The following BLM variants were observed in gnomAD, a reference collection of about 807,000 sequenced individuals.
The protein encoded by BLM is recQ-like DNA helicase BLM.
A neutral mutation model predicts 135.3 loss-of-function variants in BLM; 95 were observed. The observed-to-expected ratio is 0.70, with a 90% confidence interval of 0.59 to 0.83. The LOEUF (loss-of-function observed/expected upper bound fraction) is 0.83, where lower values mean the gene tolerates loss of function less well. BLM is among the 40% of genes least tolerant of loss of function. The pLI, the probability that BLM is intolerant of heterozygous loss-of-function variation, is 0.00. For missense variants in BLM, 1,518 were observed against 1,663.9 expected (o/e 0.91, Z 1.53); for synonymous variants, 520 against 589.2 (o/e 0.88, Z 1.70).
intron 5 of BLM, 118 bp downstream of exon 5, chr15:90,755,056 T>C: frequency 1.6e-6 from 2 of 1,283,168 alleles, no homozygotes; most frequent in Non-Finnish European, 1.1e-6. Context: ...AGATTTGTAG[T>C]TTCTTTTCTT....
chr15:90,814,431 G>A lies in BLM; in HGVS notation c.4077-671G>A, dbSNP rs56047932. 1.8e-3 allele frequency among the ~76,000 whole-genome samples: 270 copies of A among 152,284 alleles called. 1 individual carries two copies. Among genetic ancestry groups the A allele is most frequent in the South Asian group, 0.016 (77 of 4,820 alleles). On this transcript the variant is annotated intron_variant, in intron 21 of 21. Coordinates refer to ENST00000355112, the MANE Select transcript of BLM (RefSeq NM_000057.4). ...GAGATGCTGGAAGGACTTGGTAATC[G>A]GCTCTGGCGGCTTCTTCCTTGGCTT...
chr15:90,755,588 C>T (rs1895796760), intron 5 of BLM, among the ~76,000 whole-genome samples: 2 of 152,240 alleles, frequency 1.3e-5, no homozygotes, highest in African/African-American at 4.8e-5. Context: ...GTCTGCTGCT[C>T]AGAGGCACCT....
chr15:90,770,883 G>A (rs913820304), intron 12 of BLM, among the ~76,000 whole-genome samples: 2 of 152,202 alleles, frequency 1.3e-5, no homozygotes, highest in African/African-American at 4.8e-5. Flanking sequence ...AAAAGCTTTT[G>A]CAGGTTAAAC....
At chr15:90,768,897 T>G (rs1896214592) in intron 10 of BLM, among the ~76,000 whole-genome samples, 1 of 152,168 alleles carries the variant, frequency 6.6e-6, no homozygotes, top group Non-Finnish European at 1.5e-5. Flanking sequence ...CGGCTAATTT[T>G]GTATTTTTAG....
rs1895160182 is a variant in BLM, at chr15:90,734,693, AC to A, written c.-4-12695del. Among the ~76,000 whole-genome samples the A allele has an allele frequency of 3.8e-5, 4 of 106,180 alleles. No individual in the cohort carries two copies. The South Asian group carries it at 1.4e-3, about 38-fold the overall frequency. 69.7% of individuals were successfully genotyped at this position (106,180 alleles called of 152,430 possible). ...CACGCACGCACACACACACACACAC[AC>A]GCAGAGAGAGAGAGAGAGAGAGAGA... On this transcript the variant is annotated intron_variant, in intron 1 of 21. Transcript: ENST00000355112.
intron 1 of BLM, among the ~76,000 whole-genome samples, chr15:90,741,602 TAAGTCAAAAA>T (rs1895365722): frequency 6.6e-6 from 1 of 152,214 alleles, no homozygotes; most frequent in South Asian, 2.1e-4. Flanking sequence ...GTGCATCTAT[TAAGTCAAAAA>T]CTATGAAGGG....
intron 14 of BLM, among the ~76,000 whole-genome samples, chr15:90,790,026 T>G (rs1896864790): frequency 2.3e-5 from 3 of 128,100 alleles, no homozygotes; most frequent in Admixed American, 8.6e-5. Context: ...TTTTTTTTGG[T>G]ATAAGTAGCT....
chr15:90,807,239 A>C (rs1375469968), intron 19 of BLM, among the ~76,000 whole-genome samples: 1 of 152,204 alleles, frequency 6.6e-6, no homozygotes, highest in African/African-American at 2.4e-5. Context: ...GTGTCAACAG[A>C]AGGTTGTACA....
intron 19 of BLM, among the ~76,000 whole-genome samples, chr15:90,806,113 A>G (rs1897279754): frequency 6.6e-6 from 1 of 152,230 alleles, no homozygotes; most frequent in South Asian, 2.1e-4. Context: ...ACTGTGTCAT[A>G]GTTTAATTAG....
chr15:90,731,717 G>A (rs773753067), intron 1 of BLM, among the ~76,000 whole-genome samples: 58 of 151,954 alleles, frequency 3.8e-4, no homozygotes, highest in Admixed American at 2.4e-3. Flanking sequence ...ATTAAATCTC[G>A]TCTTTCAATC....
chr15:90,725,788 G>A (rs1894897617), intron 1 of BLM, among the ~76,000 whole-genome samples: 1 of 151,680 alleles, frequency 6.6e-6, no homozygotes, highest in African/African-American at 2.4e-5. Flanking sequence ...TGGGATTACA[G>A]GCGTGAGCCA....
intron 1 of BLM, among the ~76,000 whole-genome samples, chr15:90,732,722 C>T (rs928771655): frequency 2.0e-5 from 3 of 151,504 alleles, no homozygotes; most frequent in African/African-American, 4.8e-5. Context: ...ACAAGTAAAT[C>T]GAAAGCACAA....
At chr15:90,738,491 T>A (rs1376033663) in intron 1 of BLM, among the ~76,000 whole-genome samples, 1 of 152,050 alleles carries the variant, frequency 6.6e-6, no homozygotes, top group Non-Finnish European at 1.5e-5. Flanking sequence ...GGAGGACCAC[T>A]TGAGCCCGGG....
In BLM at chr15:90,812,519, AC is replaced by A. The variant is rs796672884; in HGVS notation, c.4076+1116del. On this transcript the variant is annotated intron_variant, in intron 21 of 21. Coordinates refer to ENST00000355112, the MANE Select transcript of BLM (RefSeq NM_000057.4). ...CCGCTTTTTGATTTTCTGCCAGGGC[AC>A]CCTCTGCCTTCTGGCTAGTAGGTTA... Among the ~76,000 whole-genome samples the A allele has an allele frequency of 3.6e-4, 55 of 152,266 alleles. 1 individual carries two copies. Among genetic ancestry groups the A allele is most frequent in the African/African-American group, 1.3e-3 (55 of 41,550 alleles).
At chr15:90,767,968 G>C (rs1245579508) in intron 10 of BLM, among the ~76,000 whole-genome samples, 2 of 145,950 alleles carry the variant, frequency 1.4e-5, no homozygotes, top group African/African-American at 5.1e-5. Context: ...TTTTTTTTGA[G>C]GTAGAGTCTC....
chr15:90,777,864 T>C (rs1193342648), intron 12 of BLM, among the ~76,000 whole-genome samples: 3 of 152,244 alleles, frequency 2.0e-5, no homozygotes, highest in Admixed American at 6.5e-5. Context: ...CTCTTGTTTG[T>C]GCCCGGCTTC....
chr15:90,754,785 T>C (rs750113255), intron 4 of BLM, 26 bp from the exon 5 acceptor site: 1 of 1,610,278 alleles, frequency 6.2e-7, no homozygotes, highest in Non-Finnish European at 8.5e-7. Context: ...ATAGTATGAT[T>C]GGCTTAACAT....
In BLM at chr15:90,794,705, A is replaced by C. The variant is rs28385105; in HGVS notation, c.3210+348A>C. On this transcript the variant is annotated intron_variant, in intron 16 of 21. Transcript: ENST00000355112. ...AGAATATTTTAAATTTAATATATTAATGTTATTAATATAATACATTATATT... is the reference window on the plus strand; with the variant it reads ...AGAATATTTTAAATTTAATATATTACTGTTATTAATATAATACATTATATT... 4.3e-3 allele frequency among the ~76,000 whole-genome samples: 648 copies of C among 149,158 alleles called. 8 individuals carry two copies. The highest frequency in any genetic ancestry group is 0.03 in the East Asian group (153 of 5,144).
chr15:90,724,958 G>A (rs1367333248), intron 1 of BLM, among the ~76,000 whole-genome samples: 3 of 152,194 alleles, frequency 2.0e-5, no homozygotes, highest in African/African-American at 4.8e-5. Context: ...GCCCAGGCTG[G>A]AGTGCAGTGG....
Sources: gnomAD v4.1 joint callset for allele counts (sites outside exome capture counted in the v4.1 genomes callset) on GRCh38, gnomAD v4.1.1 for gene constraint, MANE v1.5 for transcripts, NCBI Gene and HGNC (gene_info 2026-07-23, HGNC 2026-07-21) for gene names.